Variants in PCDH15 observed in about 807,000 individuals in gnomAD.
PCDH15 encodes the protein protocadherin-15.
Under a neutral mutation model 178.5 loss-of-function variants are expected in PCDH15, and 129 were observed. The observed-to-expected ratio is 0.72, with a 90% CI of 0.63 to 0.84. The LOEUF is 0.84. Among genes scored for constraint, PCDH15 ranks in the 40% least tolerant of loss-of-function variants. The pLI, the probability that PCDH15 is intolerant of heterozygous loss-of-function variation, is 0.00. For synonymous variants in PCDH15, 800 were observed against 732.0 expected, an observed-to-expected ratio of 1.09 and a Z score of -1.50; for missense variants, 2,230 against 2,099.9, an observed-to-expected ratio of 1.06 and a Z score of -1.21.
At chr10:54,844,825 A>G (rs1191652896) in intron 3 of PCDH15, among the ~76,000 whole-genome samples, 1 of 151,946 alleles carries the variant, frequency 6.6e-6, no homozygotes, top group East Asian at 1.9e-4. Context: ...GCCATTATGC[A>G]TGCACTTGAT....
chr10:54,532,647 C>T (rs1207364886), intron 2 of PCDH15, among the ~76,000 whole-genome samples: 1 of 152,132 alleles, frequency 6.6e-6, no homozygotes, highest in Non-Finnish European at 1.5e-5. Flanking sequence ...TAAAACAACA[C>T]TCTGTACATT....
chr10:55,122,151 C>T (rs1837787914), intron 2 of PCDH15, among the ~76,000 whole-genome samples: 1 of 152,112 alleles, frequency 6.6e-6, no homozygotes, highest in Admixed American at 6.6e-5. Context: ...AAGTATTAGA[C>T]TCTGTTTAGT....
intron 2 of PCDH15, among the ~76,000 whole-genome samples, chr10:55,599,038 C>T (rs895427003): frequency 2.0e-5 from 3 of 152,128 alleles, no homozygotes; most frequent in Non-Finnish European, 2.9e-5. Context: ...ATTACTTATT[C>T]TGGTGCAATA....
chr10:54,046,596 A>T (rs1209586885), intron 18 of PCDH15, among the ~76,000 whole-genome samples: 1 of 138,864 alleles, frequency 7.2e-6, no homozygotes, highest in African/African-American at 2.7e-5. Flanking sequence ...ATAAATGCTT[A>T]CTTAGATGGT....
intron 3 of PCDH15, among the ~76,000 whole-genome samples, chr10:54,454,248 C>T (rs1416320723): frequency 1.3e-5 from 2 of 148,688 alleles, no homozygotes; most frequent in Non-Finnish European, 3.0e-5. Context: ...TACACAATGA[C>T]CAAACAGAAT....
At chr10:55,487,027 A>G (rs1468670768) in intron 2 of PCDH15, among the ~76,000 whole-genome samples, 1 of 151,610 alleles carries the variant, frequency 6.6e-6, no homozygotes, top group Admixed American at 6.6e-5. Flanking sequence ...ATAGAAGTTT[A>G]TTTTTAAATC....
chr10:53,806,460 A>C lies in PCDH15; in HGVS notation c.*119T>G. On this transcript the variant is annotated 3_prime_UTR_variant, in exon 38 of 38. Transcript: ENST00000644397. ...CTTAAAATTTTAAAGCATATTGTTC[A>C]AAGTTTTAGCTTGTGTGCATGATAT... The C allele has an allele frequency of 1.2e-6, 1 of 868,564 alleles. No individual in the cohort carries two copies. Among genetic ancestry groups the C allele is most frequent in the South Asian group, 2.0e-5 (1 of 50,022 alleles). 53.8% of individuals were successfully genotyped at this position (868,564 alleles called of 1,614,324 possible).
Position 55,113,552 on chromosome 10 carries a change from T to C in PCDH15, c.-80+53024A>G, listed in dbSNP as rs1249453363. On this transcript the variant is annotated intron_variant, in intron 2 of 5. Transcript: ENST00000458638. ...TTCAAAATGCATTTTACAATTTTTT[T>C]CTTTTCTCTAGCCTTAGCCTTGAAA... 2.0e-5 allele frequency among the ~76,000 whole-genome samples: 3 copies of C among 152,226 alleles called. No homozygotes were observed. In the East Asian group the frequency reaches 5.8e-4, roughly 29 times the overall value.
At chr10:54,604,675 C>A (rs2092674489) in intron 2 of PCDH15, among the ~76,000 whole-genome samples, 1 of 151,770 alleles carries the variant, frequency 6.6e-6, no homozygotes, top group African/African-American at 2.4e-5. Flanking sequence ...ATAGTTGGTG[C>A]CAAGTTTTTA....
chr10:55,023,775 G>A (rs1382484605), intron 2 of PCDH15, among the ~76,000 whole-genome samples: 1 of 150,654 alleles, frequency 6.6e-6, no homozygotes, highest in Non-Finnish European at 1.5e-5. Context: ...GTATAACTGT[G>A]TACACATATA....
chr10:54,118,200 A>G (rs2095149426), intron 15 of PCDH15, among the ~76,000 whole-genome samples: 1 of 152,148 alleles, frequency 6.6e-6, no homozygotes, highest in African/African-American at 2.4e-5. Context: ...AAACCCATAT[A>G]CTAATGGAAT....
At chr10:55,547,946 A>AGAGAGAGAGAGAGG (rs1362080657) in intron 2 of PCDH15, among the ~76,000 whole-genome samples, 1 of 150,356 alleles carries the variant, frequency 6.7e-6, no homozygotes, top group East Asian at 2.0e-4. Flanking sequence ...AGAGAGAGAG[A>AGAGAGAGAGAGAGG]GAGAGACAGG....
intron 2 of PCDH15, among the ~76,000 whole-genome samples, chr10:54,939,640 G>A (rs1029703755): frequency 2.0e-5 from 3 of 151,614 alleles, no homozygotes; most frequent in African/African-American, 7.3e-5. Context: ...TCAGTAATTT[G>A]AGTGTTCTTC....
intron 25 of PCDH15, among the ~76,000 whole-genome samples, chr10:53,929,397 G>A (rs1289050746): frequency 8.6e-5 from 13 of 152,002 alleles, no homozygotes; most frequent in South Asian, 6.2e-4. Flanking sequence ...TGATATTATC[G>A]TGTTAATTTT....
chr10:54,700,865 C>G (rs1025648070), intron 1 of PCDH15, among the ~76,000 whole-genome samples: 7 of 151,900 alleles, frequency 4.6e-5, no homozygotes, highest in Non-Finnish European at 1.0e-4. Flanking sequence ...ACAGAGAACC[C>G]CTGTGAGATA....
chr10:55,436,398 T>C (rs1346356981), intron 2 of PCDH15, among the ~76,000 whole-genome samples: 2 of 152,134 alleles, frequency 1.3e-5, no homozygotes, highest in African/African-American at 4.8e-5. Context: ...AACAGGAATT[T>C]CAATGCTGTA....
At chr10:54,815,215 A>G (rs773548294) in intron 3 of PCDH15, among the ~76,000 whole-genome samples, 1 of 152,040 alleles carries the variant, frequency 6.6e-6, no homozygotes, top group Non-Finnish European at 1.5e-5. Flanking sequence ...TGAAAAAATT[A>G]AGAAAAAAGT....
At position 53,806,531 on chromosome 10, in the gene PCDH15, A is replaced by AAGAACATCAAGGAGGCT; in HGVS notation, c.*47_*48insAGCCTCCTTGATGTTCT. ...TCAGTGACAATAAAAAGCACAGTTT[A>AAGAACATCAAGGAGGCT]TTAAAAATGTAAGTAAAAATTAATT... On this transcript the variant is annotated 3_prime_UTR_variant, in exon 38 of 38. Transcript: ENST00000644397. 1 of 1,409,408 alleles carries AAGAACATCAAGGAGGCT rather than the reference A, an allele frequency of 7.1e-7. No individual in the cohort carries two copies. The allele number at this position is 1,409,408 out of a possible 1,614,324, so 87.3% of individuals were successfully genotyped here. A position where few individuals can be genotyped will look rare whatever the true frequency, so the allele number is the denominator to read the frequency against.
At chr10:54,338,487 T>G (rs2134031566) in intron 6 of PCDH15, among the ~76,000 whole-genome samples, 1 of 152,274 alleles carries the variant, frequency 6.6e-6, no homozygotes, top group Admixed American at 6.5e-5. Flanking sequence ...TAAAATGTGG[T>G]TTTAACTTCC....
Sources: gnomAD v4.1 joint callset for allele counts (sites outside exome capture counted in the v4.1 genomes callset) on GRCh38, gnomAD v4.1.1 for gene constraint, MANE v1.5 for transcripts, NCBI Gene and HGNC (gene_info 2026-07-23, HGNC 2026-07-21) for gene names.